The following IL1RAPL1 variants were observed in gnomAD, a reference collection of about 807,000 sequenced individuals.
IL1RAPL1 encodes interleukin-1 receptor accessory protein-like 1.
Under a neutral mutation model 48.4 loss-of-function variants are expected in IL1RAPL1, and 3 were observed. The observed-to-expected ratio is 0.06, with a 90% CI of 0.03 to 0.16. The LOEUF is 0.16. Ranked by LOEUF, IL1RAPL1 falls within the 10% of genes least tolerant of loss-of-function variation. The pLI is 1.00. For synonymous variants in IL1RAPL1, 185 were observed against 187.7 expected (o/e 0.99, Z 0.12); for missense variants, 349 against 530.6 (o/e 0.66, Z 3.36).
chrX:29,324,007 G>A (rs1314769500), intron 3 of IL1RAPL1, among the ~76,000 whole-genome samples: 2 of 106,039 alleles, frequency 1.9e-5, no homozygotes, highest in Non-Finnish European at 3.9e-5. Context: ...TACTACCACA[G>A]CACACAACAG....
At chrX:29,415,564 C>T (rs1014288384) in intron 5 of IL1RAPL1, among the ~76,000 whole-genome samples, 17 of 110,445 alleles carry the variant, frequency 1.5e-4, no homozygotes, top group South Asian at 7.7e-4. Context: ...GGATTACAGG[C>T]GCGTGCCACC....
intron 2 of IL1RAPL1, among the ~76,000 whole-genome samples, chrX:28,873,769 G>T (rs1022081555): frequency 2.8e-5 from 3 of 108,233 alleles, no homozygotes; most frequent in Non-Finnish European, 5.7e-5. Flanking sequence ...CTGACCTCGT[G>T]ATCCGCCCGC....
At chrX:29,822,925 A>C (rs1200432170) in intron 6 of IL1RAPL1, among the ~76,000 whole-genome samples, 2 of 112,088 alleles carry the variant, frequency 1.8e-5, no homozygotes, top group Non-Finnish European at 3.8e-5. Flanking sequence ...CAGAGGAGAA[A>C]GATGAGGAAT....
At chrX:29,105,262 C>G (rs917504153) in intron 2 of IL1RAPL1, among the ~76,000 whole-genome samples, 10 of 111,893 alleles carry the variant, frequency 8.9e-5, no homozygotes, top group African/African-American at 2.9e-4. Context: ...ATATGAAACC[C>G]TTTAAATGAA....
At chrX:29,597,149 A>ATTTT (rs35180262) in intron 5 of IL1RAPL1, among the ~76,000 whole-genome samples, 3 of 55,969 alleles carry the variant, frequency 5.4e-5, no homozygotes, top group African/African-American at 2.0e-4. Context: ...TTTGTTGAGG[A>ATTTT]TTTTTTTTTT....
chrX:29,498,354 C>T (rs1935236031), intron 5 of IL1RAPL1, among the ~76,000 whole-genome samples: 1 of 111,647 alleles, frequency 9.0e-6, no homozygotes, highest in South Asian at 3.8e-4. Context: ...TTTACTTTGC[C>T]TGTTACATTG....
intron 5 of IL1RAPL1, among the ~76,000 whole-genome samples, chrX:29,514,142 G>C (rs1048064674): frequency 6.3e-5 from 7 of 111,239 alleles, no homozygotes; most frequent in Admixed American, 1.9e-4. Context: ...ATAATTTATC[G>C]TAAAAATTAT....
intron 5 of IL1RAPL1, among the ~76,000 whole-genome samples, chrX:29,647,781 G>A (rs1016443947): frequency 1.8e-5 from 2 of 111,475 alleles, no homozygotes; most frequent in African/African-American, 6.5e-5. Flanking sequence ...TGAAAATAAT[G>A]GCAGTAGTAA....
chrX:28,615,667 C>T (rs1934210729), intron 1 of IL1RAPL1, among the ~76,000 whole-genome samples: 4 of 110,876 alleles, frequency 3.6e-5, no homozygotes, highest in South Asian at 7.7e-4. Flanking sequence ...GTAGGGGTCA[C>T]CTGCAGATTT....
At chrX:29,686,533 A>AGATT (rs1415717381) in intron 6 of IL1RAPL1, among the ~76,000 whole-genome samples, 8 of 67,941 alleles carry the variant, frequency 1.2e-4, no homozygotes, top group Admixed American at 5.4e-4. Context: ...ACCCCCCTAA[A>AGATT]GATTTATTTA....
rs1933862066 is a variant in IL1RAPL1, at chrX:28,588,011, A to G, written c.-61A>G. 8.9e-6 allele frequency: 1 copy of G among 111,879 alleles called. No individual in the cohort carries two copies. The highest frequency in any genetic ancestry group is 3.3e-5 in the African/African-American group (1 of 30,755). 9.2% of individuals were successfully genotyped at this position (111,879 alleles called of 1,213,427 possible). On this transcript the variant is annotated 5_prime_UTR_variant, in exon 1 of 11. An upstream open reading frame in the 5' UTR loses its in-frame stop. Transcript: ENST00000378993. The stretch of plus-strand genomic sequence containing the variant: ...ATGACCAGCAATTACCTTACCGACT[A>G]ATATCCAGAGGAGAATAATTTGGAA...
chrX:29,188,585 CTTTT>C (rs11371992), intron 2 of IL1RAPL1, among the ~76,000 whole-genome samples: 1 of 79,174 alleles, frequency 1.3e-5, no homozygotes, highest in African/African-American at 4.8e-5. Context: ...AAAACATACA[CTTTT>C]TTTTTTTTTT....
At chrX:29,109,493 A>T (rs958283907) in intron 2 of IL1RAPL1, among the ~76,000 whole-genome samples, 1 of 110,612 alleles carries the variant, frequency 9.0e-6, no homozygotes, top group African/African-American at 3.3e-5. Context: ...TTTTAGTAAT[A>T]TTAAATTATT....
chrX:29,802,938 C>T (rs373820207), intron 6 of IL1RAPL1, among the ~76,000 whole-genome samples: 1,266 of 44,684 alleles, frequency 0.028, 187 homozygotes, highest in African/African-American at 0.045. Flanking sequence ...TATATGTGTA[C>T]ATATGTATGC....
intron 2 of IL1RAPL1, among the ~76,000 whole-genome samples, chrX:28,963,719 C>G (rs988760287): frequency 9.0e-6 from 1 of 110,959 alleles, no homozygotes; most frequent in South Asian, 3.7e-4. Context: ...TTTAACTGCT[C>G]TTGTTCCATC....
At chrX:28,614,432 C>T (rs1010985490) in intron 1 of IL1RAPL1, among the ~76,000 whole-genome samples, 3 of 110,872 alleles carry the variant, frequency 2.7e-5, no homozygotes, top group African/African-American at 9.8e-5. Flanking sequence ...GTTGATAAGA[C>T]CTTTTCAAAT....
rs180976701 is a variant in IL1RAPL1, at chrX:28,750,331, A to C, written c.-24-38989A>C. 2.8e-3 allele frequency among the ~76,000 whole-genome samples: 308 copies of C among 111,946 alleles called. 1 individual carries two copies. The highest frequency in any genetic ancestry group is 9.7e-3 in the African/African-American group (298 of 30,853). On this transcript the variant is annotated intron_variant, in intron 1 of 10. Transcript: ENST00000378993. ...AATGCCTTTACTTAAAAGTGGAAAAATAAGGTGAACATATTTTGTGACTTG... is the reference window on the plus strand; with the variant it reads ...AATGCCTTTACTTAAAAGTGGAAAACTAAGGTGAACATATTTTGTGACTTG...
At chrX:28,876,247 T>A (rs1458861718) in intron 2 of IL1RAPL1, among the ~76,000 whole-genome samples, 1 of 111,848 alleles carries the variant, frequency 8.9e-6, no homozygotes, top group Non-Finnish European at 1.9e-5. Context: ...AGTGGAATGC[T>A]CCTGGTCACT....
intron 2 of IL1RAPL1, among the ~76,000 whole-genome samples, chrX:29,154,943 G>A (rs1929538205): frequency 9.0e-6 from 1 of 110,793 alleles, no homozygotes; most frequent in Admixed American, 9.6e-5. Context: ...TAATGATTAA[G>A]TAACTTTCCC....
Sources: allele counts gnomAD v4.1 joint callset (sites outside exome capture counted in the v4.1 genomes callset), GRCh38; gene constraint gnomAD v4.1.1; transcripts MANE v1.5; gene names NCBI Gene and HGNC (gene_info 2026-07-23, HGNC 2026-07-21).